The following ZMAT4 variants were observed in gnomAD, a reference collection of about 807,000 sequenced individuals.
ZMAT4 encodes zinc finger matrin-type protein 4.
In ZMAT4, 17 loss-of-function variants were observed where a neutral mutation model predicts 28.7. The ratio of observed to expected loss-of-function variants is 0.59; its 90% CI spans 0.41 to 0.89. The LOEUF is 0.89. Ranked by LOEUF, ZMAT4 falls within the 40% of genes least tolerant of loss-of-function variation. ZMAT4 has a pLI of 0.00. For synonymous variants in ZMAT4, 117 were observed against 109.2 expected (o/e 1.07, Z -0.44); for missense variants, 240 against 283.8 (o/e 0.85, Z 1.11).
chr8:40,597,229 G>A (rs987990835), intron 5 of ZMAT4, among the ~76,000 whole-genome samples: 6 of 152,188 alleles, frequency 3.9e-5, no homozygotes, highest in Non-Finnish European at 8.8e-5. Context: ...AATACGAAAG[G>A]TCAAGACAAT....
At chr8:40,752,235 G>C (rs1812480990) in intron 3 of ZMAT4, among the ~76,000 whole-genome samples, 1 of 152,206 alleles carries the variant, frequency 6.6e-6, no homozygotes, top group Admixed American at 6.5e-5. Context: ...CCCCTCTCCT[G>C]GCTTTGGGCA....
chr8:40,704,007 G>A (rs1332747756), intron 3 of ZMAT4, among the ~76,000 whole-genome samples: 3 of 152,132 alleles, frequency 2.0e-5, no homozygotes, highest in African/African-American at 7.2e-5. Context: ...TGTTGATTTT[G>A]GCAAGACATT....
intron 6 of ZMAT4, among the ~76,000 whole-genome samples, chr8:40,553,952 T>A (rs996640960): frequency 6.6e-6 from 1 of 152,158 alleles, no homozygotes; most frequent in African/African-American, 2.4e-5. Context: ...AGTTTACAGA[T>A]GAGGACTCTC....
At chr8:40,771,577 C>G (rs954510002) in intron 2 of ZMAT4, among the ~76,000 whole-genome samples, 2 of 152,134 alleles carry the variant, frequency 1.3e-5, no homozygotes, top group Non-Finnish European at 2.9e-5. Context: ...TTTCATCAAC[C>G]CTTGTTAATG....
chr8:40,863,114 G>C (rs911827417), intron 1 of ZMAT4, among the ~76,000 whole-genome samples: 1 of 152,154 alleles, frequency 6.6e-6, no homozygotes, highest in African/African-American at 2.4e-5. Context: ...AAGACCGGAG[G>C]CTGGAATAGC....
chr8:40,581,462 A>G (rs1247338776), intron 5 of ZMAT4, among the ~76,000 whole-genome samples: 6 of 152,158 alleles, frequency 3.9e-5, no homozygotes, highest in African/African-American at 1.4e-4. Flanking sequence ...GAAGCAGCTT[A>G]TTTCATTTCT....
intron 5 of ZMAT4, among the ~76,000 whole-genome samples, chr8:40,607,180 A>C (rs1346278655): frequency 8.0e-6 from 1 of 124,842 alleles, no homozygotes; most frequent in Non-Finnish European, 1.6e-5. Context: ...GCTGGAGTGC[A>C]GTGGCACGAT....
At chr8:40,844,629 C>CCT (rs145438726) in intron 1 of ZMAT4, among the ~76,000 whole-genome samples, 2 of 150,080 alleles carry the variant, frequency 1.3e-5, no homozygotes, top group Admixed American at 1.3e-4. Context: ...CTCTCTCTCT[C>CCT]CTCTCTCTCT....
At chr8:40,711,681 C>T (rs1364199492) in intron 3 of ZMAT4, among the ~76,000 whole-genome samples, 1 of 152,118 alleles carries the variant, frequency 6.6e-6, no homozygotes, top group East Asian at 1.9e-4. Context: ...AAAAGTATGT[C>T]AAGATTTTAA....
chr8:40,731,047 C>A (rs1020513653), intron 3 of ZMAT4, among the ~76,000 whole-genome samples: 8 of 150,542 alleles, frequency 5.3e-5, no homozygotes, highest in African/African-American at 1.9e-4. Context: ...GCAAAAAGAA[C>A]CCTGGCCTTC....
chr8:40,655,013 T>C (rs1807851740), intron 5 of ZMAT4, among the ~76,000 whole-genome samples: 1 of 150,954 alleles, frequency 6.6e-6, no homozygotes, highest in South Asian at 2.1e-4. Flanking sequence ...AAACTCTCTA[T>C]TGGGAGATAA....
chr8:40,676,070 C>T (rs1319296509), intron 4 of ZMAT4, among the ~76,000 whole-genome samples: 1 of 152,164 alleles, frequency 6.6e-6, no homozygotes, highest in Non-Finnish European at 1.5e-5. Context: ...ATACAAGTTG[C>T]TTCCATCCTT....
At chr8:40,660,602 A>T (rs1808144252) in intron 5 of ZMAT4, among the ~76,000 whole-genome samples, 1 of 152,164 alleles carries the variant, frequency 6.6e-6, no homozygotes, top group Non-Finnish European at 1.5e-5. Flanking sequence ...CATAGAATTT[A>T]ATTTCTCCAT....
intron 5 of ZMAT4, among the ~76,000 whole-genome samples, chr8:40,648,888 AC>A (rs1208012753): frequency 7.0e-6 from 1 of 143,774 alleles, no homozygotes; most frequent in Non-Finnish European, 1.5e-5. Context: ...AGATTTTGTC[AC>A]CACCAGGCCT....
At chr8:40,595,548 T>C (rs1222569727) in intron 5 of ZMAT4, among the ~76,000 whole-genome samples, 1 of 152,144 alleles carries the variant, frequency 6.6e-6, no homozygotes, top group Non-Finnish European at 1.5e-5. Context: ...CTATTGCTCT[T>C]AGGCTACAAA....
At chr8:40,702,435 C>G (rs768565485) in intron 3 of ZMAT4, among the ~76,000 whole-genome samples, 1 of 152,134 alleles carries the variant, frequency 6.6e-6, no homozygotes, top group Non-Finnish European at 1.5e-5. Flanking sequence ...TTAAATGCAA[C>G]GTCCACATTG....
intron 2 of ZMAT4, among the ~76,000 whole-genome samples, chr8:40,806,689 G>T (rs539800640): frequency 6.6e-6 from 1 of 152,194 alleles, no homozygotes; most frequent in South Asian, 2.1e-4. Context: ...ACATATTTAT[G>T]CATCTGTATT....
chr8:40,760,680 ATC>A (rs35049635), intron 3 of ZMAT4, among the ~76,000 whole-genome samples: 69 of 141,572 alleles, frequency 4.9e-4, no homozygotes, highest in Admixed American at 7.1e-4. Flanking sequence ...GACCGCAAAG[ATC>A]TCTCTCTCTC....
chr8:40,744,327 G>A (rs1812132351), intron 3 of ZMAT4, among the ~76,000 whole-genome samples: 1 of 152,188 alleles, frequency 6.6e-6, no homozygotes, highest in Non-Finnish European at 1.5e-5. Flanking sequence ...GGGTGAAGAT[G>A]GGGTAGGGAG....
Sources: gnomAD v4.1 joint callset for allele counts (sites outside exome capture counted in the v4.1 genomes callset) on GRCh38, gnomAD v4.1.1 for gene constraint, MANE v1.5 for transcripts, NCBI Gene and HGNC (gene_info 2026-07-23, HGNC 2026-07-21) for gene names.